The following PDE1C variants were observed in gnomAD, a reference collection of about 807,000 sequenced individuals.
PDE1C encodes dual specificity calcium/calmodulin-dependent 3',5'-cyclic nucleotide phosphodiesterase 1C.
Under a neutral mutation model 93.1 loss-of-function variants are expected in PDE1C, and 62 were observed. The ratio of observed to expected loss-of-function variants is 0.67; its 90% CI spans 0.54 to 0.82. The LOEUF (loss-of-function observed/expected upper bound fraction) is 0.82, where lower values mean the gene tolerates loss of function less well. Among genes scored for constraint, PDE1C ranks in the 40% least tolerant of loss-of-function variants. The pLI is 0.00. For missense variants in PDE1C, 742 were observed against 884.6 expected (o/e 0.84, Z 2.04); for synonymous variants, 325 against 310.1 (o/e 1.05, Z -0.50).
In PDE1C at chr7:32,258,503, C is replaced by T. The variant is rs1319552708; in HGVS notation, c.85+40148G>A. 2.6e-5 allele frequency among the ~76,000 whole-genome samples: 4 copies of T among 152,244 alleles called. No homozygotes were observed. In the East Asian group the frequency reaches 7.7e-4, roughly 29 times the overall value. ...CCTGCACGTGGGGGTGACTGATGTG[C>T]TGAGGGACAAGGGCAAGGGCACGCC... is the stretch of plus-strand genomic sequence containing the variant. On this transcript the variant is annotated intron_variant, in intron 1 of 18. Transcript: ENST00000396193.
chr7:32,202,520 T>C (rs953375747), intron 2 of PDE1C, among the ~76,000 whole-genome samples: 2 of 152,240 alleles, frequency 1.3e-5, no homozygotes, highest in African/African-American at 4.8e-5. Context: ...CTACTTTAAC[T>C]TGAAATCTTT....
intron 2 of PDE1C, among the ~76,000 whole-genome samples, chr7:32,202,821 T>C (rs1156292831): frequency 6.6e-6 from 1 of 152,146 alleles, no homozygotes; most frequent in Non-Finnish European, 1.5e-5. Context: ...GTTGATTGAT[T>C]GGTTGGTTTT....
chr7:32,376,401 A>C (rs2128089028), intron 1 of PDE1C, among the ~76,000 whole-genome samples: 1 of 152,278 alleles, frequency 6.6e-6, no homozygotes, highest in Middle Eastern at 3.4e-3. Flanking sequence ...GCTTTTTCAA[A>C]TTCTCACAAA....
intron 2 of PDE1C, among the ~76,000 whole-genome samples, chr7:32,016,353 G>C (rs907048160): frequency 1.3e-5 from 2 of 152,164 alleles, no homozygotes; most frequent in African/African-American, 4.8e-5. Context: ...CCCAGTGGGA[G>C]CTTGCCTACC....
intron 2 of PDE1C, among the ~76,000 whole-genome samples, chr7:32,196,992 G>A (rs1006114252): frequency 3.3e-5 from 5 of 152,156 alleles, no homozygotes; most frequent in African/African-American, 1.2e-4. Context: ...GAAATTATGA[G>A]TCCAGTTTGG....
intron 2 of PDE1C, among the ~76,000 whole-genome samples, chr7:32,200,908 A>G (rs1804961060): frequency 6.6e-6 from 1 of 152,226 alleles, no homozygotes; most frequent in Non-Finnish European, 1.5e-5. Flanking sequence ...ACAATCTGCC[A>G]TATGTTTTAA....
intron 1 of PDE1C, among the ~76,000 whole-genome samples, chr7:32,066,514 T>C (rs986613527): frequency 6.6e-6 from 1 of 152,206 alleles, no homozygotes; most frequent in Non-Finnish European, 1.5e-5. Flanking sequence ...AAGGAATAAG[T>C]AAAACCTGCT....
At chr7:31,617,204 C>A in the PDE1C span, among the ~76,000 whole-genome samples, 1 of 152,102 alleles carries the variant, frequency 6.6e-6, no homozygotes, top group African/African-American at 2.4e-5. Flanking sequence ...CCTATTATTT[C>A]TTCTATAAAC....
At chr7:31,885,788 A>G (rs1797791684) in intron 2 of PDE1C, among the ~76,000 whole-genome samples, 1 of 152,198 alleles carries the variant, frequency 6.6e-6, no homozygotes, top group Non-Finnish European at 1.5e-5. Context: ...TAATTTAGAA[A>G]ACTGCCTTAT....
At chr7:31,798,579 A>C (rs913034837) in intron 16 of PDE1C, among the ~76,000 whole-genome samples, 1 of 151,834 alleles carries the variant, frequency 6.6e-6, no homozygotes, top group African/African-American at 2.4e-5. Context: ...TAAGACCACC[A>C]TCCTCTAAGA....
At chr7:31,816,712 T>C (rs1690649129) in intron 14 of PDE1C, among the ~76,000 whole-genome samples, 1 of 152,128 alleles carries the variant, frequency 6.6e-6, no homozygotes, top group East Asian at 1.9e-4. Flanking sequence ...ACTAGAGCAA[T>C]TGAAGACAAA....
At chr7:32,027,870 A>G (rs942353144) in intron 2 of PDE1C, among the ~76,000 whole-genome samples, 1 of 152,124 alleles carries the variant, frequency 6.6e-6, no homozygotes, top group African/African-American at 2.4e-5. Context: ...CAAGCCTTAC[A>G]CTGAAATCAT....
intron 3 of PDE1C, among the ~76,000 whole-genome samples, chr7:32,098,109 A>C: frequency 6.7e-6 from 1 of 148,736 alleles, no homozygotes; most frequent in East Asian, 1.9e-4. Context: ...GGGCGCCTGT[A>C]GTCCCAGCTA....
At chr7:31,732,359 G>A in the PDE1C span, among the ~76,000 whole-genome samples, 2 of 152,114 alleles carry the variant, frequency 1.3e-5, no homozygotes, top group African/African-American at 4.8e-5. Context: ...AAGTCTAGGT[G>A]TTGCCGTGAA....
intron 2 of PDE1C, among the ~76,000 whole-genome samples, chr7:32,206,944 C>G (rs570464388): frequency 1.3e-5 from 2 of 152,328 alleles, no homozygotes; most frequent in Admixed American, 1.3e-4. Context: ...CTCTCTGCTT[C>G]CTTTGAGTTC....
chr7:31,925,164 T>C (rs1197924066), intron 2 of PDE1C, among the ~76,000 whole-genome samples: 7 of 151,852 alleles, frequency 4.6e-5, no homozygotes. Flanking sequence ...AGCTGAAGAA[T>C]TTCTTTAAAC....
chr7:32,099,986 C>A (rs191594413), intron 3 of PDE1C, among the ~76,000 whole-genome samples: 2 of 152,148 alleles, frequency 1.3e-5, no homozygotes, highest in Non-Finnish European at 2.9e-5. Flanking sequence ...CCTTCTACAT[C>A]CCCGTTTTCT....
the PDE1C span, among the ~76,000 whole-genome samples, chr7:31,629,851 A>G: frequency 6.6e-6 from 1 of 152,234 alleles, no homozygotes; most frequent in Non-Finnish European, 1.5e-5. Flanking sequence ...TGAAAAAGAA[A>G]TGTCAAAGAT....
chr7:31,804,197 T>C (rs972418320), intron 16 of PDE1C, among the ~76,000 whole-genome samples: 3 of 151,888 alleles, frequency 2.0e-5, no homozygotes, highest in Admixed American at 1.3e-4. Context: ...ATCCCTTTTA[T>C]GTCTTGCTTT....
Sources: gnomAD v4.1 joint callset for allele counts (sites outside exome capture counted in the v4.1 genomes callset) on GRCh38, gnomAD v4.1.1 for gene constraint, MANE v1.5 for transcripts, NCBI Gene and HGNC (gene_info 2026-07-23, HGNC 2026-07-21) for gene names.